Variants in OCA2 observed in about 807,000 individuals in gnomAD.
OCA2 encodes the protein OCA2 melanosomal transmembrane protein.
A neutral mutation model predicts 100.2 loss-of-function variants in OCA2; 77 were observed. That is an observed-to-expected ratio of 0.77 (90% confidence interval 0.64 to 0.93). The LOEUF is 0.93. Among genes scored for constraint, OCA2 ranks in the 40% least tolerant of loss-of-function variants. OCA2 has a pLI of 0.00. For missense variants in OCA2, 1,062 were observed against 1,089.1 expected, an observed-to-expected ratio of 0.98 and a Z score of 0.35; for synonymous variants, 432 against 439.2, an observed-to-expected ratio of 0.98 and a Z score of 0.21.
At chr15:28,019,946 T>C (rs2141274474) in intron 6 of OCA2, among the ~76,000 whole-genome samples, 1 of 152,232 alleles carries the variant, frequency 6.6e-6, no homozygotes, top group South Asian at 2.1e-4. Flanking sequence ...ACTGCCCTTT[T>C]CCAAGGAGCC....
At chr15:27,730,174 T>C in the OCA2 span, among the ~76,000 whole-genome samples, 1 of 152,226 alleles carries the variant, frequency 6.6e-6, no homozygotes, top group Non-Finnish European at 1.5e-5. Flanking sequence ...TCTGGTTTGA[T>C]AATTTGCTAG....
At chr15:28,070,050 C>G (rs1352685080) in intron 2 of OCA2, among the ~76,000 whole-genome samples, 4 of 111,022 alleles carry the variant, frequency 3.6e-5, no homozygotes, top group African/African-American at 2.1e-4. Flanking sequence ...GCCTCTGCCC[C>G]GCCGCCCCAT....
chr15:27,921,961 T>C (rs940676787), intron 19 of OCA2, among the ~76,000 whole-genome samples: 7 of 152,236 alleles, frequency 4.6e-5, no homozygotes, highest in African/African-American at 1.7e-4. Context: ...ATATGTCTTA[T>C]ACACTGTATT....
chr15:27,859,850 TG>T (rs2151444629), intron 21 of OCA2, among the ~76,000 whole-genome samples: 1 of 151,788 alleles, frequency 6.6e-6, no homozygotes, highest in South Asian at 2.1e-4. Context: ...CCCCAGGGCT[TG>T]GGAAAAAAGA....
intron 23 of OCA2, among the ~76,000 whole-genome samples, chr15:27,786,561 T>C (rs190294432): frequency 6.6e-6 from 1 of 152,310 alleles, no homozygotes; most frequent in East Asian, 1.9e-4. Flanking sequence ...AGAATTGTTT[T>C]CTTAATTTCA....
chr15:27,731,686 C>G, the OCA2 span, among the ~76,000 whole-genome samples: 3 of 152,158 alleles, frequency 2.0e-5, no homozygotes, highest in Non-Finnish European at 4.4e-5. Flanking sequence ...ACTTAAATTA[C>G]CTCAGCTGAA....
chr15:27,983,490 CA>C lies in OCA2; in HGVS notation c.1365-8del. 6.2e-6 allele frequency: 10 copies of C among 1,614,118 alleles called. No individual in the cohort carries two copies. Among genetic ancestry groups the C allele is most frequent in the Non-Finnish European group, 8.5e-6 (10 of 1,179,996 alleles). ...GTTGAGCACCTCACACAACCTGTCA[CA>C]AATGGAGGAAAATGAAAGTAGTCCC... On this transcript the variant is annotated splice_polypyrimidine_tract_variant and splice_region_variant and intron_variant, in intron 13 of 23. Coordinates refer to ENST00000354638, the MANE Select transcript of OCA2 (RefSeq NM_000275.3).
At chr15:27,852,119 G>A (rs2035776366) in intron 21 of OCA2, among the ~76,000 whole-genome samples, 1 of 152,200 alleles carries the variant, frequency 6.6e-6, no homozygotes, top group South Asian at 2.1e-4. Flanking sequence ...AGCCTCTGGT[G>A]CACCTTTCTG....
intron 9 of OCA2, among the ~76,000 whole-genome samples, chr15:27,991,489 C>A (rs533441894): frequency 1.2e-4 from 18 of 152,196 alleles, no homozygotes; most frequent in Middle Eastern, 3.4e-3. Flanking sequence ...AAGATGGGGT[C>A]GGTCCATCTA....
intron 18 of OCA2, 81 bp from the exon 19 acceptor site, chr15:27,926,335 T>TGTGTGAG: frequency 6.7e-7 from 1 of 1,488,750 alleles, no homozygotes; most frequent in Non-Finnish European, 9.4e-7. Flanking sequence ...GGTTGCCTTT[T>TGTGTGAG]TCTTTATCAA....
downstream of OCA2, among the ~76,000 whole-genome samples, chr15:27,753,744 A>AAAAAG (rs2030159134): frequency 6.6e-6 from 1 of 152,036 alleles, no homozygotes; most frequent in African/African-American, 2.4e-5. Context: ...CTCAAAAAGA[A>AAAAAG]AAAAGAAAAG....
At position 28,069,387 on chromosome 15, in the gene OCA2, C is replaced by CT. The variant is rs1566862430; in HGVS notation, c.227+12260_227+12261insA. On this transcript the variant is annotated intron_variant, in intron 2 of 23. Coordinates refer to ENST00000354638, the MANE Select transcript of OCA2 (RefSeq NM_000275.3). ...CCCTCTCCCTCTCCCTCTCCCTCCCCCTCCCCCTCCCCCTCCCCTTCCCCC... is the reference window on the plus strand; with the variant it reads ...CCCTCTCCCTCTCCCTCTCCCTCCCCTCTCCCCCTCCCCCTCCCCTTCCCCC... Among the ~76,000 whole-genome samples the CT allele has an allele frequency of 2.3e-3, 32 of 13,692 alleles. 1 individual carries two copies. The African/African-American group carries it at 0.026, about 11-fold the overall frequency. 9.0% of individuals were successfully genotyped at this position (13,692 alleles called of 152,430 possible). A position where few individuals can be genotyped will look rare whatever the true frequency, so the allele number is the denominator to read the frequency against.
intron 23 of OCA2, among the ~76,000 whole-genome samples, chr15:27,841,891 G>A (rs569875618): frequency 1.3e-5 from 2 of 152,318 alleles, no homozygotes; most frequent in Admixed American, 6.5e-5. Context: ...TGGCAGTGAC[G>A]AGTTTCAGCA....
chr15:27,917,758 C>T (rs1223420729), intron 19 of OCA2, among the ~76,000 whole-genome samples: 1 of 152,130 alleles, frequency 6.6e-6, no homozygotes, highest in African/African-American at 2.4e-5. Context: ...TTGAAAGCAT[C>T]CAGGCCTTAA....
chr15:27,724,368 T>A, the OCA2 span, among the ~76,000 whole-genome samples: 1 of 152,120 alleles, frequency 6.6e-6, no homozygotes. Flanking sequence ...GCCTTAATCA[T>A]CACCCCTCTG....
At chr15:27,940,576 G>T (rs931911780) in intron 18 of OCA2, among the ~76,000 whole-genome samples, 1 of 149,050 alleles carries the variant, frequency 6.7e-6, no homozygotes, top group Non-Finnish European at 1.5e-5. Context: ...GAAAAAGTGT[G>T]GTTGTGTCAA....
intron 1 of OCA2, among the ~76,000 whole-genome samples, chr15:28,083,233 G>A (rs145302051): frequency 6.6e-6 from 1 of 152,364 alleles, no homozygotes; most frequent in Non-Finnish European, 1.5e-5. Flanking sequence ...ACGTGTGATG[G>A]CTACAGCTGA....
chr15:27,784,559 A>G (rs2032711230), intron 23 of OCA2, among the ~76,000 whole-genome samples: 1 of 152,250 alleles, frequency 6.6e-6, no homozygotes, highest in South Asian at 2.1e-4. Flanking sequence ...GAAATTTTAA[A>G]TAACTGACAT....
chr15:27,812,485 T>C (rs897002560), intron 23 of OCA2, among the ~76,000 whole-genome samples: 5 of 152,276 alleles, frequency 3.3e-5, no homozygotes, highest in African/African-American at 1.2e-4. Context: ...GGTTTTTATA[T>C]TGACATACAG....
Sources: allele counts gnomAD v4.1 joint callset (sites outside exome capture counted in the v4.1 genomes callset), GRCh38; gene constraint gnomAD v4.1.1; transcripts MANE v1.5; gene names NCBI Gene and HGNC (gene_info 2026-07-23, HGNC 2026-07-21).